ZCCHC9: variants seen among roughly 807,000 people sequenced by gnomAD.
ZCCHC9 encodes zinc finger CCHC domain-containing protein 9.
ZCCHC9 carries 18 observed loss-of-function variants against 30.8 expected under a neutral mutation model. The observed-to-expected ratio is 0.58, with a 90% CI of 0.40 to 0.87. The LOEUF (loss-of-function observed/expected upper bound fraction) is 0.87. Among genes scored for constraint, ZCCHC9 ranks in the 40% least tolerant of loss-of-function variants. The pLI is 0.00. For synonymous variants in ZCCHC9, 94 were observed against 106.7 expected (o/e 0.88, Z 0.73); for missense variants, 279 against 331.2 (o/e 0.84, Z 1.22).
chr5:81,307,021 A>G (rs1181333359), intron 2 of ZCCHC9, among the ~76,000 whole-genome samples: 3 of 152,222 alleles, frequency 2.0e-5, no homozygotes, highest in Non-Finnish European at 4.4e-5. Flanking sequence ...TATTTTATTA[A>G]GTAGGAAAAA....
Position 81,305,136 on chromosome 5 carries a change from G to A in ZCCHC9, c.379G>A (p.Ala127Thr). 2 of 1,590,718 alleles carry A rather than the reference G, an allele frequency of 1.3e-6. No homozygotes were observed. The highest frequency in any genetic ancestry group is 2.2e-5 in the East Asian group (1 of 44,804). The part of the protein sequence containing the change: ...RLKRQAAKKN[A>T]MVCFHCRKPG... ...AAAAAGACAAGCGGCAAAGAAAAATGCAATGGTGAGAGCATCACTTCTACC... is the reference window on the plus strand; with the variant it reads ...AAAAAGACAAGCGGCAAAGAAAAATACAATGGTGAGAGCATCACTTCTACC... Residue 127 changes from alanine (A) to threonine (T), a missense_variant, in exon 2 of 6, where the codon GCA becomes ACA. Coordinates refer to ENST00000407610, the MANE Select transcript of ZCCHC9 (RefSeq NM_001131035.2).
intron 4 of ZCCHC9, among the ~76,000 whole-genome samples, 185 bp from the exon 5 acceptor site, chr5:81,311,026 T>C (rs1018742489): frequency 2.0e-5 from 3 of 152,216 alleles, no homozygotes; most frequent in African/African-American, 7.2e-5. Context: ...AATTTAGTGC[T>C]CTGTGAGGTT....
chr5:81,304,720 C>G, intron 1 of ZCCHC9, 21 bp from the exon 2 acceptor site: 1 of 1,527,814 alleles, frequency 6.5e-7, no homozygotes, highest in Non-Finnish European at 8.8e-7. Flanking sequence ...ACCACCCATG[C>G]TTGTCTTAAA....
At chr5:81,301,948 C>T (rs2291940) in intron 1 of ZCCHC9, 17,364 of 152,236 alleles carry the variant, frequency 0.11, 1,294 homozygotes, top group African/African-American at 0.2. Flanking sequence ...CTTGATAACC[C>T]AGAGCCTCCC....
At chr5:81,308,023 A>AAAAAAAAAATCTATCTG (rs1554049984) in intron 2 of ZCCHC9, among the ~76,000 whole-genome samples, 1 of 15,968 alleles carries the variant, frequency 6.3e-5, no homozygotes, top group Non-Finnish European at 1.2e-4. Context: ...AAAAAAAAAA[A>AAAAAAAAAATCTATCTG]TCTATCTATC....
In ZCCHC9 at chr5:81,304,903, T is replaced by G. The variant is rs1239560715; in HGVS notation, c.146T>G (p.Leu49Arg). Residue 49 changes from leucine (L) to arginine (R), a missense_variant, in exon 2 of 6, where the codon CTC becomes CGC. Transcript: ENST00000407610. ...RKQLEANRLSLKNDAPQAKHK... is the reference protein window; with the variant it reads ...RKQLEANRLSRKNDAPQAKHK... The stretch of plus-strand genomic sequence containing the variant: ...CAACTTGAAGCCAATAGGCTATCCC[T>G]CAAAAATGATGCACCCCAAGCAAAA... The G allele has an allele frequency of 6.2e-7, 1 of 1,613,790 alleles. No individual in the cohort carries two copies. Among genetic ancestry groups the G allele is most frequent in the South Asian group, 1.1e-5 (1 of 91,060 alleles).
chr5:81,308,463 TAAG>T, intron 2 of ZCCHC9, 95 bp from the exon 3 acceptor site: 1 of 1,365,694 alleles, frequency 7.3e-7, no homozygotes, highest in Non-Finnish European at 9.6e-7. Context: ...AATAGCTTAA[TAAG>T]ATGAGAAATG....
chr5:81,304,878 C>A lies in ZCCHC9; in HGVS notation c.121C>A (p.Gln41Lys). 3 of 1,614,098 alleles carry A rather than the reference C, an allele frequency of 1.9e-6. No individual in the cohort carries two copies. Among genetic ancestry groups the A allele is most frequent in the Non-Finnish European group, 2.5e-6 (3 of 1,180,024 alleles). ...AAGCCAAAACCTACCAAAGCGTAAA[C>A]AACTTGAAGCCAATAGGCTATCCCT... ...GTSQNLPKRK[Q>K]LEANRLSLKN... The change falls in exon 2 of 6, where the codon CAA becomes AAA. Residue 41 changes from glutamine (Q) to lysine (K), a missense_variant. Gln to Lys is a moderately conservative substitution (Grantham distance 53). Transcript: ENST00000407610.
At chr5:81,308,022 A>AAATCTATCTATCTATCT (rs34237879) in intron 2 of ZCCHC9, among the ~76,000 whole-genome samples, 49 of 68,322 alleles carry the variant, frequency 7.2e-4, no homozygotes, top group Non-Finnish European at 9.0e-4. Context: ...AAAAAAAAAA[A>AAATCTATCTATCTATCT]ATCTATCTAT....
At chr5:81,303,470 A>G (rs1483991137) in intron 1 of ZCCHC9, 4 of 152,258 alleles carry the variant, frequency 2.6e-5, no homozygotes, top group Non-Finnish European at 5.9e-5. Context: ...GTTATAAACT[A>G]AGACACACAC....
intron 2 of ZCCHC9, among the ~76,000 whole-genome samples, chr5:81,307,295 A>G (rs553360356): frequency 6.6e-6 from 1 of 152,360 alleles, no homozygotes; most frequent in South Asian, 2.1e-4. Context: ...CAAATAATTC[A>G]TCTTGGAATA....
At chr5:81,309,836 C>A (rs781707418) in intron 4 of ZCCHC9, among the ~76,000 whole-genome samples, 18 of 152,192 alleles carry the variant, frequency 1.2e-4, no homozygotes, top group Non-Finnish European at 2.5e-4. Flanking sequence ...CAATTTTAAT[C>A]TCTTGGAAAT....
chr5:81,305,607 A>G (rs1288090734), intron 2 of ZCCHC9, among the ~76,000 whole-genome samples: 1 of 150,442 alleles, frequency 6.6e-6, no homozygotes, highest in Non-Finnish European at 1.5e-5. Flanking sequence ...AAAAAAAAAA[A>G]AAAAATTAGC....
chr5:81,303,158 T>A (rs1440170273), intron 1 of ZCCHC9: 7 of 152,198 alleles, frequency 4.6e-5, no homozygotes, highest in Admixed American at 4.6e-4. Context: ...GCTTCCCAGG[T>A]GGTGCGCGCC....
Position 81,305,083 on chromosome 5 carries a change from A to G in ZCCHC9, c.326A>G (p.Lys109Arg), listed in dbSNP as rs1194348185. 1 of 1,609,138 alleles carries G rather than the reference A, an allele frequency of 6.2e-7. No homozygotes were observed. Among genetic ancestry groups the G allele is most frequent in the Non-Finnish European group, 8.5e-7 (1 of 1,178,930 alleles). ...GAAGAAATTGCAGTTGCTTTAAAGA[A>G]AGACAGTCGACGGGAAGGAAGAAGA... ...VREEIAVALKKDSRREGRRLK... is the reference protein window; with the variant it reads ...VREEIAVALKRDSRREGRRLK... The change falls in exon 2 of 6, where the codon AAA (lysine) becomes AGA (arginine). Residue 109 changes from lysine to arginine, a missense_variant. By Grantham distance (26) the Lys-to-Arg change is conservative. Coordinates refer to ENST00000407610, the MANE Select transcript of ZCCHC9 (RefSeq NM_001131035.2).
At position 81,305,100 on chromosome 5, in the gene ZCCHC9, GGAA is replaced by G. The variant is rs752621788; in HGVS notation, c.349_351del (p.Arg117del). 1.9e-6 allele frequency: 3 copies of G among 1,601,496 alleles called. No homozygotes were observed. Among genetic ancestry groups the G allele is most frequent in the African/African-American group, 1.4e-5 (1 of 73,828 alleles). On this transcript the variant is annotated inframe_deletion, in exon 2 of 6. Coordinates refer to ENST00000407610, the MANE Select transcript of ZCCHC9 (RefSeq NM_001131035.2). ...TTTAAAGAAAGACAGTCGACGGGAA[GGAA>G]GAAGATTAAAAAGACAAGCGGCAAA...
rs1758050594 is a variant in ZCCHC9 at position 81,305,042 on chromosome 5, CAGTG to C, written c.288_291del (p.Ser96ArgfsTer3). ...ACAATGGGCAAATTATAGCAACAGACAGTGAGGAAGTAAGGGAAGAAATTGCAGT... is the reference window on the plus strand; with the variant it reads ...ACAATGGGCAAATTATAGCAACAGACAGGAAGTAAGGGAAGAAATTGCAGT... On this transcript the variant is annotated frameshift_variant, in exon 2 of 6. Transcript: ENST00000407610. LOFTEE classifies it high-confidence loss of function. The C allele has an allele frequency of 3.7e-6, 6 of 1,613,972 alleles. No individual in the cohort carries two copies. The highest frequency in any genetic ancestry group is 5.1e-6 in the Non-Finnish European group (6 of 1,180,008).
At chr5:81,302,980 ATTTTAACTCCTTGACCT>A (rs1757999499) in intron 1 of ZCCHC9, 1 of 148,162 alleles carries the variant, frequency 6.7e-6, no homozygotes, top group Admixed American at 6.8e-5. Flanking sequence ...TTTTAAATTA[ATTTTAACTCCTTGACCT>A]TTTTTTTTTT....
Position 81,304,895 on chromosome 5 carries a change from G to T in ZCCHC9, c.138G>T (p.Arg46Ser), listed in dbSNP as rs529602395. ...LPKRKQLEANRLSLKNDAPQA... is the reference protein window; with the variant it reads ...LPKRKQLEANSLSLKNDAPQA... Reference sequence around the variant, plus strand: ...AGCGTAAACAACTTGAAGCCAATAGGCTATCCCTCAAAAATGATGCACCCC... The same window carrying T: ...AGCGTAAACAACTTGAAGCCAATAGTCTATCCCTCAAAAATGATGCACCCC... Residue 46 changes from arginine (R) to serine (S), a missense_variant, in exon 2 of 6, where the codon AGG (arginine) becomes AGT (serine). Transcript: ENST00000407610. The T allele has an allele frequency of 6.2e-7, 1 of 1,613,966 alleles. No individual in the cohort carries two copies. Among genetic ancestry groups the T allele is most frequent in the Admixed American group, 1.7e-5 (1 of 60,004 alleles).
Sources: allele counts gnomAD v4.1 joint callset (sites outside exome capture counted in the v4.1 genomes callset), GRCh38; gene constraint gnomAD v4.1.1; transcripts MANE v1.5; gene names NCBI Gene and HGNC (gene_info 2026-07-23, HGNC 2026-07-21).